Variants in FGF14 observed in about 807,000 individuals in gnomAD.
The protein encoded by FGF14 is fibroblast growth factor 14.
In FGF14, 5 loss-of-function variants were observed where a neutral mutation model predicts 25.5. The observed-to-expected ratio is 0.20, with a 90% CI of 0.10 to 0.41. The LOEUF (loss-of-function observed/expected upper bound fraction) is 0.41. Among genes scored for constraint, FGF14 ranks in the 10% least tolerant of loss-of-function variants. FGF14 has a pLI of 1.00. For synonymous variants in FGF14, 138 were observed against 118.3 expected, an observed-to-expected ratio of 1.17 and a Z score of -1.08; for missense variants, 222 against 320.1, an observed-to-expected ratio of 0.69 and a Z score of 2.34.
At chr13:102,280,568 C>T (rs2053778135) in intron 1 of FGF14, among the ~76,000 whole-genome samples, 1 of 152,138 alleles carries the variant, frequency 6.6e-6, no homozygotes, top group Non-Finnish European at 1.5e-5. Flanking sequence ...TAAAAAATTC[C>T]AGTGTCAGGA....
At chr13:101,946,616 G>A (rs2035825138) in intron 1 of FGF14, among the ~76,000 whole-genome samples, 2 of 152,204 alleles carry the variant, frequency 1.3e-5, no homozygotes, top group Non-Finnish European at 1.5e-5. Context: ...TCCTCCTCAG[G>A]CTAACAGTAA....
intron 3 of FGF14, among the ~76,000 whole-genome samples, chr13:101,822,529 G>T (rs1459463991): frequency 6.6e-6 from 1 of 150,856 alleles, no homozygotes. Flanking sequence ...TTCTGACATG[G>T]ATCCTAATAA....
intron 1 of FGF14, among the ~76,000 whole-genome samples, chr13:102,031,947 C>T (rs571032773): frequency 2.6e-5 from 4 of 152,112 alleles, no homozygotes; most frequent in East Asian, 3.9e-4. Flanking sequence ...CATTCATTGC[C>T]GTACTTTTCT....
chr13:102,259,850 T>C (rs1372175533), intron 1 of FGF14, among the ~76,000 whole-genome samples: 1 of 152,198 alleles, frequency 6.6e-6, no homozygotes, highest in African/African-American at 2.4e-5. Context: ...ACTGTTTCTA[T>C]GACACCCATT....
chr13:101,721,158 C>G lies in FGF14; in HGVS notation c.*1673G>C, dbSNP rs1475576038. 6.6e-6 allele frequency: 1 copy of G among 151,490 alleles called. No individual in the cohort carries two copies. Among genetic ancestry groups the G allele is most frequent in the African/African-American group, 2.4e-5 (1 of 41,370 alleles). 9.4% of individuals were successfully genotyped at this position (151,490 alleles called of 1,614,324 possible). A position where few individuals can be genotyped will look rare whatever the true frequency, so the allele number is the denominator to read the frequency against. On this transcript the variant is annotated 3_prime_UTR_variant, in exon 5 of 5. Transcript: ENST00000376143. ...TGAGGTTCAGTTTGGTCTCAATGAA[C>G]TCTTCTGAGAAGAAAACATTGAATT...
chr13:102,044,092 A>G (rs964191611), intron 1 of FGF14, among the ~76,000 whole-genome samples: 7 of 152,174 alleles, frequency 4.6e-5, no homozygotes, highest in African/African-American at 9.7e-5. Context: ...CTTGAAGTCT[A>G]TTTGCACAGA....
At chr13:101,917,831 G>T (rs1046537269), upstream of FGF14, among the ~76,000 whole-genome samples, 19 of 152,182 alleles carry the variant, frequency 1.2e-4, no homozygotes, top group Admixed American at 3.9e-4. Context: ...ATGCTCCCCA[G>T]CCCTGGGAGG....
chr13:102,378,617 ATCTATCTATC>A (rs1189635555), intron 1 of FGF14, among the ~76,000 whole-genome samples: 10 of 132,488 alleles, frequency 7.5e-5, no homozygotes, highest in Non-Finnish European at 1.3e-4. Context: ...CTATCTATCT[ATCTATCTATC>A]TATCTATATA....
At chr13:102,333,390 T>TA (rs768452522) in intron 1 of FGF14, among the ~76,000 whole-genome samples, 3 of 152,130 alleles carry the variant, frequency 2.0e-5, no homozygotes, top group Non-Finnish European at 4.4e-5. Flanking sequence ...AGCTGGCCCA[T>TA]AAAACAGTCT....
chr13:102,157,439 A>C (rs1441576597), intron 1 of FGF14, among the ~76,000 whole-genome samples: 2 of 152,232 alleles, frequency 1.3e-5, no homozygotes, highest in African/African-American at 2.4e-5. Context: ...TGGTGCTGGG[A>C]AAACTGGCTA....
At chr13:102,085,217 T>TC (rs11399262) in intron 1 of FGF14, among the ~76,000 whole-genome samples, 26 of 151,772 alleles carry the variant, frequency 1.7e-4, no homozygotes, top group South Asian at 1.0e-3. Flanking sequence ...TTTCCTTTTT[T>TC]CCCCCACCTC....
At chr13:101,998,225 G>T (rs7324481) in intron 1 of FGF14, among the ~76,000 whole-genome samples, 2,244 of 152,172 alleles carry the variant, frequency 0.015, 65 homozygotes, top group African/African-American at 0.052. Flanking sequence ...TGCACCATAG[G>T]ACTTCTGCTT....
intron 3 of FGF14, among the ~76,000 whole-genome samples, chr13:101,779,659 G>C (rs1401408230): frequency 6.6e-6 from 1 of 152,044 alleles, no homozygotes; most frequent in African/African-American, 2.4e-5. Context: ...TAATCTGAAG[G>C]TATAAATATT....
rs185065711 is a variant in FGF14, at chr13:102,334,858, T to C, written c.208+66613A>G. 2.8e-3 allele frequency among the ~76,000 whole-genome samples: 420 copies of C among 152,292 alleles called. 1 individual carries two copies. The highest frequency in any genetic ancestry group is 0.01 in the Middle Eastern group (3 of 294). On this transcript the variant is annotated intron_variant, in intron 1 of 4. Transcript: ENST00000376131. ...CCCATTATGATAACAAGAGAACTTC[T>C]GGGATCTAGGACCATTTCAGCAGTT... is the stretch of plus-strand genomic sequence containing the variant.
chr13:102,009,065 A>G (rs1462711130), intron 1 of FGF14, among the ~76,000 whole-genome samples: 5 of 152,192 alleles, frequency 3.3e-5, no homozygotes, highest in African/African-American at 1.2e-4. Flanking sequence ...ATGTCCTTTG[A>G]AGAAAACAAA....
chr13:102,064,101 G>A (rs1056615007), intron 1 of FGF14, among the ~76,000 whole-genome samples: 1 of 152,160 alleles, frequency 6.6e-6, no homozygotes, highest in Non-Finnish European at 1.5e-5. Flanking sequence ...GCCGAAGGAT[G>A]TTGAAGAATT....
chr13:101,755,121 C>A (rs1344100150), intron 3 of FGF14, among the ~76,000 whole-genome samples: 1 of 152,096 alleles, frequency 6.6e-6, no homozygotes, highest in African/African-American at 2.4e-5. Context: ...CTGGAAATAT[C>A]AAACTTTGGG....
chr13:102,189,038 G>T (rs12561255), intron 1 of FGF14, among the ~76,000 whole-genome samples: 20 of 69,978 alleles, frequency 2.9e-4, no homozygotes, highest in African/African-American at 9.9e-4. Flanking sequence ...AAGAAAGAAA[G>T]AAAGAGAAAG....
intron 1 of FGF14, among the ~76,000 whole-genome samples, chr13:102,146,379 T>G (rs1954732193): frequency 6.6e-6 from 1 of 152,176 alleles, no homozygotes; most frequent in Admixed American, 6.5e-5. Context: ...CATGACAATG[T>G]CATTAGCTCA....
Sources: gnomAD v4.1 joint callset for allele counts (sites outside exome capture counted in the v4.1 genomes callset) on GRCh38, gnomAD v4.1.1 for gene constraint, MANE v1.5 for transcripts, NCBI Gene and HGNC (gene_info 2026-07-23, HGNC 2026-07-21) for gene names.